STOX2: variants seen among roughly 807,000 people sequenced by gnomAD.
STOX2 encodes the protein storkhead-box protein 2.
Under a neutral mutation model 60.9 loss-of-function variants are expected in STOX2, and 28 were observed. The observed-to-expected ratio is 0.46, with a 90% confidence interval of 0.34 to 0.63. The LOEUF is 0.63. Among genes scored for constraint, STOX2 ranks in the 30% least tolerant of loss-of-function variants. The pLI is 0.01. For synonymous variants in STOX2, 472 were observed against 463.9 expected (o/e 1.02, Z -0.22); for missense variants, 1,024 against 1,187.7 (o/e 0.86, Z 2.03).
At chr4:183,957,148 T>TATAATA (rs57935070) in intron 1 of STOX2, among the ~76,000 whole-genome samples, 25,830 of 142,542 alleles carry the variant, frequency 0.18, 2,613 homozygotes, top group Middle Eastern at 0.27. Flanking sequence ...AAACTTAAAG[T>TATAATA]ATAATAATAA....
At chr4:183,917,055 G>C (rs150185880) in intron 1 of STOX2, among the ~76,000 whole-genome samples, 2 of 152,192 alleles carry the variant, frequency 1.3e-5, no homozygotes, top group Admixed American at 1.3e-4. Context: ...GCCGTGGCTC[G>C]GGTCTGACGT....
rs1476435134 is a variant in STOX2 at position 184,021,698 on chromosome 4, T to C, written c.*4414T>C. The C allele has an allele frequency of 6.6e-6, 1 of 152,256 alleles. No homozygotes were observed. The highest frequency in any genetic ancestry group is 1.5e-5 in the Non-Finnish European group (1 of 68,056). 9.4% of individuals were successfully genotyped at this position (152,256 alleles called of 1,614,324 possible). A position where few individuals can be genotyped will look rare whatever the true frequency, so the allele number is the denominator to read the frequency against. On this transcript the variant is annotated 3_prime_UTR_variant, in exon 4 of 4. Coordinates refer to ENST00000308497, the MANE Select transcript of STOX2 (RefSeq NM_020225.3). ...AATTTTAATTAAAAACTTTATCAAGTACTCTTCACAGTGCTGCTTGGCACC... is the reference window on the plus strand; with the variant it reads ...AATTTTAATTAAAAACTTTATCAAGCACTCTTCACAGTGCTGCTTGGCACC...
At chr4:183,937,839 T>A (rs1047722659) in intron 1 of STOX2, among the ~76,000 whole-genome samples, 5 of 152,240 alleles carry the variant, frequency 3.3e-5, no homozygotes, top group Non-Finnish European at 7.3e-5. Context: ...TCTCTGGCTT[T>A]ATTTTGAGTA....
At chr4:183,867,695 G>C (rs147269053) in intron 1 of STOX2, among the ~76,000 whole-genome samples, 85 of 152,274 alleles carry the variant, frequency 5.6e-4, no homozygotes, top group African/African-American at 2.0e-3. Flanking sequence ...TTCCCATATA[G>C]TTAATTCTTG....
chr4:183,884,886 C>T (rs574758620), intron 1 of STOX2, among the ~76,000 whole-genome samples: 172 of 152,196 alleles, frequency 1.1e-3, no homozygotes, highest in African/African-American at 3.8e-3. Flanking sequence ...CTGAGAGCAG[C>T]GGTCATGAAA....
chr4:184,018,116 G>A lies in STOX2; in HGVS notation c.*832G>A, dbSNP rs1276008225. ...GTGATTGAAAAGGTGATGTGGACTT[G>A]TAAAAGGTGTTACTCAAATATTGAA... On this transcript the variant is annotated 3_prime_UTR_variant, in exon 4 of 4. Coordinates refer to ENST00000308497, the MANE Select transcript of STOX2 (RefSeq NM_020225.3). 1.3e-5 allele frequency: 2 copies of A among 152,188 alleles called. No homozygotes were observed. Among genetic ancestry groups the A allele is most frequent in the Non-Finnish European group, 2.9e-5 (2 of 68,042 alleles). 9.4% of individuals were successfully genotyped at this position (152,188 alleles called of 1,614,324 possible).
At chr4:183,903,695 G>A (rs1312870860), upstream of STOX2, among the ~76,000 whole-genome samples, 1 of 152,210 alleles carries the variant, frequency 6.6e-6, no homozygotes, top group Non-Finnish European at 1.5e-5. Context: ...GAGGTACTGA[G>A]TAATTGTTGA....
intron 1 of STOX2, among the ~76,000 whole-genome samples, chr4:183,973,156 T>G (rs1206262122): frequency 6.6e-6 from 1 of 151,916 alleles, no homozygotes; most frequent in East Asian, 1.9e-4. Flanking sequence ...CCTAAAAGAG[T>G]GTGATTTGAA....
chr4:183,814,166 A>G (rs1212520479), intron 1 of STOX2, among the ~76,000 whole-genome samples: 1 of 152,196 alleles, frequency 6.6e-6, no homozygotes, highest in Non-Finnish European at 1.5e-5. Flanking sequence ...TAGGTAAATT[A>G]TGGTTCTTTA....
At chr4:183,951,446 T>G (rs199769259) in intron 1 of STOX2, among the ~76,000 whole-genome samples, 1 of 26,570 alleles carries the variant, frequency 3.8e-5, no homozygotes, top group Non-Finnish European at 1.1e-4. Context: ...CTCTCTCTCT[T>G]TTTTTTTTTT....
chr4:183,836,689 T>C lies in STOX2; in HGVS notation c.364+38634T>C, dbSNP rs1381503547. ...TCAGCAGTGTCCATCGCAGTCACCG[T>C]CTCCCATTTCGTGGCAGGGTCAGTG... is the stretch of plus-strand genomic sequence containing the variant. On this transcript the variant is annotated intron_variant, in intron 1 of 2. Transcript: ENST00000513034. This position sits in a 1 kb window ranked among gnomAD's most constrained non-coding sequence, Gnocchi z 4.1. Among the ~76,000 whole-genome samples the C allele has an allele frequency of 6.6e-6, 1 of 152,086 alleles. No homozygotes were observed. Among genetic ancestry groups the C allele is most frequent in the Non-Finnish European group, 1.5e-5 (1 of 68,020 alleles).
Position 183,821,153 on chromosome 4 carries a change from C to T in STOX2, c.364+23098C>T, listed in dbSNP as rs762664328. ...AAGAAAAAAGAGATTTTTCTCTTCACGGTTCTGTTGAGTTCCTGGCCCTCC... is the reference window on the plus strand; with the variant it reads ...AAGAAAAAAGAGATTTTTCTCTTCATGGTTCTGTTGAGTTCCTGGCCCTCC... On this transcript the variant is annotated intron_variant, in intron 1 of 2. Transcript: ENST00000513034. This position sits in a 1 kb window ranked among gnomAD's most constrained non-coding sequence, Gnocchi z 4.2. 2.6e-5 allele frequency among the ~76,000 whole-genome samples: 4 copies of T among 152,156 alleles called. No homozygotes were observed. Among genetic ancestry groups the T allele is most frequent in the African/African-American group, 4.8e-5 (2 of 41,450 alleles).
chr4:183,934,211 G>A lies in STOX2; in HGVS notation c.166+27255G>A, dbSNP rs547195048. On this transcript the variant is annotated intron_variant, in intron 1 of 3. Coordinates refer to ENST00000308497, the MANE Select transcript of STOX2 (RefSeq NM_020225.3). Reference sequence around the variant, plus strand: ...CCAGCTACCTGGGAGGCTGAGTTAGGAGTATCGCTTGAACCCAGGAGGCGG... The same window carrying A: ...CCAGCTACCTGGGAGGCTGAGTTAGAAGTATCGCTTGAACCCAGGAGGCGG... Among the ~76,000 whole-genome samples, 7 of 152,270 alleles carry A rather than the reference G, an allele frequency of 4.6e-5. No individual in the cohort carries two copies. In the East Asian group the frequency reaches 1.2e-3, roughly 25 times the overall value.
At chr4:183,924,919 A>G (rs1742199200) in intron 1 of STOX2, among the ~76,000 whole-genome samples, 1 of 152,140 alleles carries the variant, frequency 6.6e-6, no homozygotes. Context: ...AGTCTTAGGG[A>G]GGCCTGCTGA....
chr4:183,848,524 G>C (rs1333931353), intron 1 of STOX2, among the ~76,000 whole-genome samples: 1 of 152,198 alleles, frequency 6.6e-6, no homozygotes, highest in Non-Finnish European at 1.5e-5. Flanking sequence ...TGATTCTTCT[G>C]TCAGGGCTGG....
chr4:183,940,691 G>T (rs926626959), intron 1 of STOX2, among the ~76,000 whole-genome samples: 7 of 152,178 alleles, frequency 4.6e-5, no homozygotes, highest in African/African-American at 1.7e-4. Flanking sequence ...TAATTTGGTT[G>T]TATAAAATTT....
chr4:183,975,060 T>C (rs951884491), intron 1 of STOX2, among the ~76,000 whole-genome samples: 2 of 152,140 alleles, frequency 1.3e-5, no homozygotes, highest in African/African-American at 4.8e-5. Flanking sequence ...AATCTCTAAA[T>C]ACTAGGAAAT....
At chr4:183,854,803 G>A (rs1205252550) in intron 1 of STOX2, among the ~76,000 whole-genome samples, 4 of 152,086 alleles carry the variant, frequency 2.6e-5, no homozygotes, top group African/African-American at 9.7e-5. Flanking sequence ...GCCAATTATC[G>A]CTTAGTGCTT....
intron 1 of STOX2, among the ~76,000 whole-genome samples, chr4:183,858,120 G>T (rs1233322810): frequency 6.6e-6 from 1 of 152,124 alleles, no homozygotes. Flanking sequence ...CTCCCTGGGG[G>T]ACCCTCAGGG....
Sources: gnomAD v4.1 joint callset for allele counts (sites outside exome capture counted in the v4.1 genomes callset) on GRCh38, gnomAD v4.1.1 for gene constraint, Gnocchi (gnomAD v3.1) non-coding constraint, MANE v1.5 for transcripts, NCBI Gene and HGNC (gene_info 2026-07-23, HGNC 2026-07-21) for gene names.